Variants in MIER1 observed in about 807,000 individuals in gnomAD.
MIER1 encodes the protein mesoderm induction early response protein 1.
In MIER1, 40 loss-of-function variants were observed where a neutral mutation model predicts 75.7. The observed-to-expected ratio is 0.53, with a 90% CI of 0.41 to 0.69. The LOEUF is 0.69. MIER1 is among the 30% of genes least tolerant of loss of function. MIER1 has a pLI of 0.00. For synonymous variants in MIER1, 213 were observed against 223.4 expected, an observed-to-expected ratio of 0.95 and a Z score of 0.42; for missense variants, 574 against 680.2, an observed-to-expected ratio of 0.84 and a Z score of 1.74.
intron 4 of MIER1, among the ~76,000 whole-genome samples, chr1:66,954,596 C>G (rs528802831): frequency 1.3e-5 from 2 of 152,294 alleles, no homozygotes; most frequent in Non-Finnish European, 2.9e-5. Flanking sequence ...TCAAGCATTT[C>G]CCCTCTAAAT....
intron 3 of MIER1, among the ~76,000 whole-genome samples, chr1:66,945,700 A>C (rs1657459595): frequency 6.6e-6 from 1 of 152,094 alleles, no homozygotes; most frequent in South Asian, 2.1e-4. Context: ...TGCCTTTACC[A>C]AAAAAATATT....
At chr1:66,941,964 T>G (rs1027335699) in intron 3 of MIER1, among the ~76,000 whole-genome samples, 1 of 99,578 alleles carries the variant, frequency 1.0e-5, no homozygotes, top group African/African-American at 4.2e-5. Context: ...GCGAGACTCC[T>G]TCTCTCAAAA....
chr1:66,966,436 T>C (rs1216266301), intron 8 of MIER1, among the ~76,000 whole-genome samples: 1 of 152,240 alleles, frequency 6.6e-6, no homozygotes, highest in Non-Finnish European at 1.5e-5. Context: ...AGTCTATCAC[T>C]GATGGACATT....
At chr1:66,960,076 T>C (rs1558073857) in intron 7 of MIER1, 1 of 160,656 alleles carries the variant, frequency 6.2e-6, no homozygotes, top group African/African-American at 2.4e-5. Context: ...AAACAAAAAA[T>C]AAATAAAACA....
chr1:66,949,399 T>C (rs1221156597), intron 4 of MIER1, among the ~76,000 whole-genome samples: 1 of 152,190 alleles, frequency 6.6e-6, no homozygotes, highest in Admixed American at 6.5e-5. Context: ...CCCAGCCCCA[T>C]ATAGTGCCTT....
At chr1:66,969,263 C>T (rs969808674) in intron 8 of MIER1, among the ~76,000 whole-genome samples, 13 of 151,746 alleles carry the variant, frequency 8.6e-5, no homozygotes, top group South Asian at 2.1e-4. Context: ...GAAAATAATA[C>T]GGCCGGGCGC....
chr1:66,976,532 G>A, intron 11 of MIER1, 63 bp from the exon 12 acceptor site: 1 of 1,476,018 alleles, frequency 6.8e-7, no homozygotes, highest in Non-Finnish European at 9.1e-7. Flanking sequence ...AACTTCAGAT[G>A]TTTATCATGA....
intron 4 of MIER1, among the ~76,000 whole-genome samples, chr1:66,957,569 T>TA (rs1331238438): frequency 4.0e-5 from 6 of 151,530 alleles, no homozygotes; most frequent in Non-Finnish European, 7.4e-5. Context: ...TTCTGTATAT[T>TA]ACTACTGGTT....
At chr1:66,976,290 C>A (rs1231789026) in intron 11 of MIER1, among the ~76,000 whole-genome samples, 2 of 152,330 alleles carry the variant, frequency 1.3e-5, no homozygotes, top group Admixed American at 6.5e-5. Flanking sequence ...GCGTGAGCCA[C>A]CGTGCCCGGC....
At chr1:66,930,210 G>A in intron 2 of MIER1, 1 of 1,376,150 alleles carries the variant, frequency 7.3e-7, no homozygotes, top group Non-Finnish European at 9.4e-7. Flanking sequence ...GGCGCCGCGA[G>A]GGGGCGGAGT....
chr1:66,946,025 T>G, intron 3 of MIER1, 125 bp from the exon 4 acceptor site: 3 of 756,904 alleles, frequency 4.0e-6, no homozygotes, highest in Non-Finnish European at 6.1e-6. Context: ...ACATAATAGT[T>G]GCTGTGCGTA....
chr1:66,946,768 C>A, intron 4 of MIER1: 2 of 985,522 alleles, frequency 2.0e-6, no homozygotes, highest in Non-Finnish European at 2.4e-6. Context: ...AGTGAACTTT[C>A]CTTGTTACAT....
intron 4 of MIER1, among the ~76,000 whole-genome samples, chr1:66,953,551 G>T (rs1164564358): frequency 6.6e-6 from 1 of 150,542 alleles, no homozygotes; most frequent in East Asian, 1.9e-4. Flanking sequence ...TTGGGTGACA[G>T]CTTGAGTTAC....
chr1:66,967,694 A>G (rs867127840), intron 8 of MIER1, among the ~76,000 whole-genome samples: 2 of 146,842 alleles, frequency 1.4e-5, no homozygotes, highest in Admixed American at 6.8e-5. Context: ...AATATTTTAT[A>G]GTTGTCATTA....
chr1:66,951,357 G>A (rs905797763), intron 4 of MIER1, among the ~76,000 whole-genome samples: 2 of 152,054 alleles, frequency 1.3e-5, no homozygotes, highest in Admixed American at 1.3e-4. Flanking sequence ...TTGAACTCCT[G>A]TGTGCAAGCA....
intron 4 of MIER1, chr1:66,947,160 T>C: frequency 4.8e-6 from 1 of 206,474 alleles, no homozygotes; most frequent in Non-Finnish European, 8.5e-6. Flanking sequence ...ACATCTTCAT[T>C]AAGTAAGTTG....
chr1:66,959,148 G>C (rs1456140544), intron 6 of MIER1, among the ~76,000 whole-genome samples, 165 bp downstream of exon 6: 4 of 152,090 alleles, frequency 2.6e-5, no homozygotes, highest in South Asian at 2.1e-4. Flanking sequence ...CAGGGTCCCT[G>C]TTGTTAGTGA....
At chr1:66,964,420 G>A (rs4655663) in intron 8 of MIER1, among the ~76,000 whole-genome samples, 116,687 of 148,114 alleles carry the variant, frequency 0.79, 46,114 homozygotes, top group East Asian at 0.88. Flanking sequence ...CCTCATTTGA[G>A]TTCCAGAAAA....
intron 2 of MIER1, among the ~76,000 whole-genome samples, chr1:66,936,080 A>G (rs1050735181): frequency 2.2e-4 from 34 of 152,200 alleles, no homozygotes; most frequent in African/African-American, 8.0e-4. Flanking sequence ...TGTGGTTGAC[A>G]TAACTTTTTT....
Sources: gnomAD v4.1 joint callset for allele counts (sites outside exome capture counted in the v4.1 genomes callset) on GRCh38, gnomAD v4.1.1 for gene constraint, MANE v1.5 for transcripts, NCBI Gene and HGNC (gene_info 2026-07-23, HGNC 2026-07-21) for gene names.